Variants in USH2A observed in about 807,000 individuals in gnomAD.
USH2A encodes the protein Usher syndrome 2A (autosomal recessive, mild).
A neutral mutation model predicts 538.9 loss-of-function variants in USH2A; 443 were observed. The observed-to-expected ratio is 0.82, with a 90% confidence interval of 0.76 to 0.89. The LOEUF (loss-of-function observed/expected upper bound fraction) is 0.89. Among genes scored for constraint, USH2A ranks in the 40% least tolerant of loss-of-function variants. The pLI is 0.00. For missense variants in USH2A, 6,633 were observed against 6,324.8 expected, an observed-to-expected ratio of 1.05 and a Z score of -1.65; for synonymous variants, 2,413 against 2,273.5, an observed-to-expected ratio of 1.06 and a Z score of -1.75.
At chr1:216,244,093 G>C (rs2035987572) in intron 13 of USH2A, among the ~76,000 whole-genome samples, 2 of 152,144 alleles carry the variant, frequency 1.3e-5, no homozygotes, top group Non-Finnish European at 2.9e-5. Flanking sequence ...TGTTCACTGA[G>C]TGATGGAGAA....
At chr1:216,381,159 C>A (rs2102733526) in intron 3 of USH2A, among the ~76,000 whole-genome samples, 1 of 152,042 alleles carries the variant, frequency 6.6e-6, no homozygotes, top group South Asian at 2.1e-4. Flanking sequence ...GATACGTACA[C>A]AAAGAAATGG....
chr1:216,276,174 C>T (rs190101249), intron 11 of USH2A, among the ~76,000 whole-genome samples: 114 of 152,286 alleles, frequency 7.5e-4, no homozygotes, highest in African/African-American at 2.6e-3. Context: ...TTAATAACTG[C>T]TTTACCAGCT....
intron 15 of USH2A, among the ~76,000 whole-genome samples, chr1:216,211,629 T>C (rs1341549848): frequency 6.6e-6 from 1 of 152,238 alleles, no homozygotes; most frequent in African/African-American, 2.4e-5. Flanking sequence ...GCCCTCCTTT[T>C]GTCTTTTTCT....
In USH2A at chr1:215,878,787, G is replaced by C. The variant is rs2102451580; in HGVS notation, c.8535C>G (p.Ser2845=). ...ACCTCAAATTAGGTCCATTTGGCTT[G>C]GATGGTGGTTGCCAAGAAATCACAA... ...SYVVISWQPP[S]KPNGPNLRYE... is the part of the protein sequence containing the mutation. The change falls in exon 42 of 72, where the codon TCC becomes TCG. Residue 2845 remains serine (S), a synonymous_variant. Transcript: ENST00000307340. 6.2e-7 allele frequency: 1 copy of C among 1,613,962 alleles called. No individual in the cohort carries two copies. Among genetic ancestry groups the C allele is most frequent in the East Asian group, 2.2e-5 (1 of 44,846 alleles).
intron 37 of USH2A, among the ~76,000 whole-genome samples, chr1:215,949,568 A>G (rs1666859574): frequency 6.6e-6 from 1 of 152,110 alleles, no homozygotes; most frequent in African/African-American, 2.4e-5. Flanking sequence ...CCACAATTCA[A>G]TCAGATTAGA....
At chr1:215,653,214 G>A (rs1271463622) in intron 64 of USH2A, among the ~76,000 whole-genome samples, 2 of 152,142 alleles carry the variant, frequency 1.3e-5, no homozygotes, top group Non-Finnish European at 2.9e-5. Context: ...TGGAGTTCTA[G>A]TTCCAAAATG....
At chr1:215,724,125 C>T (rs1413239216) in intron 61 of USH2A, among the ~76,000 whole-genome samples, 1 of 151,572 alleles carries the variant, frequency 6.6e-6, no homozygotes, top group East Asian at 1.9e-4. Flanking sequence ...CTATATATCT[C>T]CTGATTTCCA....
chr1:215,696,862 C>G (rs1348470382), intron 61 of USH2A, among the ~76,000 whole-genome samples: 5 of 152,106 alleles, frequency 3.3e-5, no homozygotes, highest in Admixed American at 2.0e-4. Context: ...AGACCTGTCT[C>G]TAAACAAACA....
At chr1:215,919,789 A>C (rs929758941) in intron 38 of USH2A, among the ~76,000 whole-genome samples, 5 of 152,086 alleles carry the variant, frequency 3.3e-5, no homozygotes, top group African/African-American at 1.2e-4. Flanking sequence ...AAAGTCTAAC[A>C]ACATAAGAAA....
Position 216,302,961 on chromosome 1 carries a change from T to C in USH2A, c.1645-10591A>G, listed in dbSNP as rs561383489. On this transcript the variant is annotated intron_variant, in intron 9 of 71. Transcript: ENST00000307340. ...TAGGCCTTGTGAATACAGAAGTAAT[T>C]ATGTCTAGTGGTTGAATGAGATGGA... 3.9e-5 allele frequency among the ~76,000 whole-genome samples: 6 copies of C among 152,180 alleles called. No individual in the cohort carries two copies. In the South Asian group the frequency reaches 1.2e-3, roughly 32 times the overall value.
chr1:216,352,393 T>C (rs373405125), intron 4 of USH2A, among the ~76,000 whole-genome samples: 2 of 152,286 alleles, frequency 1.3e-5, no homozygotes, highest in African/African-American at 4.8e-5. Context: ...CATTAAATGA[T>C]GTTAATAGGT....
At chr1:215,723,605 C>T (rs974286632) in intron 61 of USH2A, among the ~76,000 whole-genome samples, 7 of 152,178 alleles carry the variant, frequency 4.6e-5, no homozygotes, top group African/African-American at 1.7e-4. Context: ...AACTGCAATC[C>T]TACAGTTGTG....
At chr1:215,714,825 C>T (rs1394190413) in intron 61 of USH2A, among the ~76,000 whole-genome samples, 1 of 151,994 alleles carries the variant, frequency 6.6e-6, no homozygotes, top group Non-Finnish European at 1.5e-5. Context: ...TTTTTAAGTG[C>T]CGAGGTGTTT....
At chr1:216,154,561 A>G (rs1448873219) in intron 21 of USH2A, among the ~76,000 whole-genome samples, 1 of 152,194 alleles carries the variant, frequency 6.6e-6, no homozygotes, top group African/African-American at 2.4e-5. Context: ...ACTGAAGCAC[A>G]TCTGTTTAAA....
At position 216,196,668 on chromosome 1, in the gene USH2A, T is replaced by A. The variant is rs752569816; in HGVS notation, c.4136A>T (p.Asn1379Ile). 6.2e-7 allele frequency: 1 copy of A among 1,613,456 alleles called. No homozygotes were observed. The highest frequency in any genetic ancestry group is 2.2e-5 in the East Asian group (1 of 44,744). ...ATCTGCTGGCTTCTCCCAGGAGATA[T>A]TGAGAGAGTACGAAGAGAGGGGAAA... is the stretch of plus-strand genomic sequence containing the variant. ...SVFPLSSYSLNISWEKPADNV... is the reference protein window; with the variant it reads ...SVFPLSSYSLIISWEKPADNV... The change falls in exon 19 of 72, where the codon AAT (asparagine) becomes ATT (isoleucine). Residue 1379 changes from asparagine (N) to isoleucine (I), a missense_variant. Coordinates refer to ENST00000307340, the MANE Select transcript of USH2A (RefSeq NM_206933.4).
Position 216,344,286 on chromosome 1 carries a change from C to T in USH2A, c.785-16632G>A, listed in dbSNP as rs79090867. On this transcript the variant is annotated intron_variant, in intron 4 of 71. Coordinates refer to ENST00000307340, the MANE Select transcript of USH2A (RefSeq NM_206933.4). ...CAGAAAGAGTCTCCACAGCTAGTGT[C>T]TGTCAAAATTTAAGATTATCCAAAC... Among the ~76,000 whole-genome samples, 775 of 152,214 alleles carry T rather than the reference C, an allele frequency of 5.1e-3. 10 individuals carry two copies. The highest frequency in any genetic ancestry group is 0.018 in the African/African-American group (749 of 41,538).
rs1173712232 is a variant in USH2A at position 216,070,141 on chromosome 1, G to C, written c.6009C>G (p.Pro2003=). 1 of 1,613,970 alleles carries C rather than the reference G, an allele frequency of 6.2e-7. No homozygotes were observed. The highest frequency in any genetic ancestry group is 1.1e-5 in the South Asian group (1 of 91,082). The change falls in exon 30 of 72, where the codon CCC becomes CCG. Residue 2003 remains proline (P), a synonymous_variant. Transcript: ENST00000307340. The stretch of plus-strand genomic sequence containing the variant: ...TATTGACAAATTCAGCACTGGCAGA[G>C]GGCATGCGGGGTGGACGGGTGCTGT... ...SEDSTRPPRM[P]SASAEFVNTS... is the part of the protein sequence containing the mutation.
At chr1:215,923,400 CAG>C (rs747444469) in intron 38 of USH2A, among the ~76,000 whole-genome samples, 1 of 152,114 alleles carries the variant, frequency 6.6e-6, no homozygotes, top group Non-Finnish European at 1.5e-5. Context: ...CTAAATTTCT[CAG>C]ACTCTTTGAG....
At chr1:215,789,541 G>A (rs1027714740) in intron 51 of USH2A, among the ~76,000 whole-genome samples, 1 of 152,054 alleles carries the variant, frequency 6.6e-6, no homozygotes, top group African/African-American at 2.4e-5. Flanking sequence ...AAACATAAGC[G>A]ATTACACCCA....
Sources: allele counts gnomAD v4.1 joint callset (sites outside exome capture counted in the v4.1 genomes callset), GRCh38; gene constraint gnomAD v4.1.1; transcripts MANE v1.5; gene names NCBI Gene and HGNC (gene_info 2026-07-23, HGNC 2026-07-21).